CDK12: variants seen among roughly 807,000 people sequenced by gnomAD.
CDK12 encodes cyclin dependent kinase 12.
A neutral mutation model predicts 133.8 loss-of-function variants in CDK12; 17 were observed. The ratio of observed to expected loss-of-function variants is 0.13; its 90% confidence interval spans 0.09 to 0.19. CDK12 has a LOEUF of 0.19. Ranked by LOEUF, CDK12 falls within the 10% of genes least tolerant of loss-of-function variation. The pLI, the probability that CDK12 is intolerant of heterozygous loss-of-function variation, is 1.00. For synonymous variants in CDK12, 694 were observed against 683.6 expected, an observed-to-expected ratio of 1.02 and a Z score of -0.24; for missense variants, 1,508 against 1,818.7, an observed-to-expected ratio of 0.83 and a Z score of 3.11.
chr17:39,548,345 C>T (rs2055811350), upstream of CDK12, among the ~76,000 whole-genome samples: 2 of 152,220 alleles, frequency 1.3e-5, no homozygotes, highest in Admixed American at 6.5e-5. Flanking sequence ...GAAGCCCCCT[C>T]TTTCCAGGCA....
chr17:39,486,717 A>C (rs946122750), intron 2 of CDK12, among the ~76,000 whole-genome samples: 5 of 152,118 alleles, frequency 3.3e-5, no homozygotes, highest in African/African-American at 1.2e-4. Flanking sequence ...TAATTTAAAA[A>C]ATCTATGTTG....
chr17:39,468,733 C>T (rs1454003929), intron 1 of CDK12, among the ~76,000 whole-genome samples: 5 of 152,018 alleles, frequency 3.3e-5, no homozygotes, highest in Non-Finnish European at 7.4e-5. Context: ...CCTCAGCCTC[C>T]GAAAGTGTTG....
chr17:39,507,680 T>C (rs535401247), intron 6 of CDK12, among the ~76,000 whole-genome samples: 1 of 152,354 alleles, frequency 6.6e-6, no homozygotes, highest in East Asian at 1.9e-4. Context: ...AGGTCTACAC[T>C]GATTTCTGTA....
chr17:39,492,347 C>T (rs563598167), intron 3 of CDK12, among the ~76,000 whole-genome samples: 14 of 150,946 alleles, frequency 9.3e-5, no homozygotes, highest in South Asian at 2.1e-4. Context: ...CCACCTGCCT[C>T]GGCCTCCCAA....
At position 39,519,932 on chromosome 17, in the gene CDK12, T is replaced by C. The variant is rs187030460; in HGVS notation, c.2964-24T>C. The C allele has an allele frequency of 2.2e-4, 349 of 1,613,370 alleles. 3 individuals carry two copies. The Admixed American group carries it at 2.8e-3, about 13-fold the overall frequency. ...GAACTGTAGGGTCATTGTGAACTTG[T>C]CCTTTCTGTGTTCTTTTCCATAGCA... is the stretch of plus-strand genomic sequence containing the variant. On this transcript the variant is annotated intron_variant, in intron 10 of 13. Transcript: ENST00000447079.
intron 1 of CDK12, among the ~76,000 whole-genome samples, chr17:39,465,988 A>C (rs564127673): frequency 6.6e-6 from 1 of 152,212 alleles, no homozygotes; most frequent in South Asian, 2.1e-4. Context: ...TCTTAGGTAA[A>C]ACAGCATATC....
chr17:39,528,247 A>T (rs7226073), intron 13 of CDK12, among the ~76,000 whole-genome samples: 7,675 of 152,278 alleles, frequency 0.05, 408 homozygotes, highest in African/African-American at 0.13. Flanking sequence ...AGGATTGACA[A>T]CATTGATACT....
chr17:39,478,063 C>CT lies in CDK12; in HGVS notation c.1931+6315dup, dbSNP rs533207548. 3.4e-3 allele frequency among the ~76,000 whole-genome samples: 467 copies of CT among 137,788 alleles called. 5 individuals are homozygous for CT. The highest frequency in any genetic ancestry group is 0.032 in the East Asian group (153 of 4,754). 90.4% of individuals were successfully genotyped at this position (137,788 alleles called of 152,430 possible). ...TTTTTAGCCATCTCCTCCTCCACCTCTTTTTTTTTTTTTTTAAGAGACGGG... is the reference window on the plus strand; with the variant it reads ...TTTTTAGCCATCTCCTCCTCCACCTCTTTTTTTTTTTTTTTTAAGAGACGGG... On this transcript the variant is annotated intron_variant, in intron 2 of 13. Coordinates refer to ENST00000447079, the MANE Select transcript of CDK12 (RefSeq NM_016507.4).
chr17:39,558,221 A>C (rs1035691069), intron 3 of CDK12, among the ~76,000 whole-genome samples: 4 of 152,122 alleles, frequency 2.6e-5, no homozygotes, highest in Admixed American at 1.3e-4. Context: ...CCAATACTTG[A>C]CTCAGACTCC....
In CDK12 at chr17:39,462,381, C is replaced by T. The variant is rs2049018618; in HGVS notation, c.310C>T (p.Arg104Trp). ...GAACGACGAACGTCGTGGATCAGAT[C>T]GGAGCGACCGCCTGCACAAACATCG... The part of the protein sequence containing the change: ...RENDERRGSD[R>W]SDRLHKHRHH... Residue 104 changes from arginine (R) to tryptophan (W), a missense_variant, in exon 1 of 14, where the codon CGG becomes TGG. By Grantham distance (101) the Arg-to-Trp change is moderately radical. Around this residue, in one of 9 missense-constraint regions of CDK12, gnomAD observed 460 missense variants for 490.8 expected, o/e 0.94. Coordinates refer to ENST00000447079, the MANE Select transcript of CDK12 (RefSeq NM_016507.4). The T allele has an allele frequency of 1.2e-6, 2 of 1,614,164 alleles. No individual in the cohort carries two copies. The highest frequency in any genetic ancestry group is 1.7e-6 in the Non-Finnish European group (2 of 1,180,042).
intron 6 of CDK12, among the ~76,000 whole-genome samples, chr17:39,502,487 G>C (rs1215228136): frequency 6.6e-6 from 1 of 152,114 alleles, no homozygotes; most frequent in African/African-American, 2.4e-5. Context: ...TATCTATATA[G>C]GAACATGGAA....
At chr17:39,556,047 A>G (rs927267100) in intron 2 of CDK12, among the ~76,000 whole-genome samples, 5 of 151,602 alleles carry the variant, frequency 3.3e-5, no homozygotes, top group South Asian at 2.1e-4. Flanking sequence ...AAAAAAAAAA[A>G]AAAAGAAAAC....
intron 2 of CDK12, among the ~76,000 whole-genome samples, chr17:39,555,025 G>A (rs529427851): frequency 2.0e-5 from 3 of 152,194 alleles, no homozygotes; most frequent in East Asian, 3.9e-4. Context: ...CGACGCAGGC[G>A]GATCACAAGG....
At chr17:39,475,533 G>C (rs975218974) in intron 2 of CDK12, among the ~76,000 whole-genome samples, 32 of 151,458 alleles carry the variant, frequency 2.1e-4, no homozygotes, top group Non-Finnish European at 4.1e-4. Context: ...TTACAGAAGA[G>C]AAGAGAACCT....
Position 39,468,806 on chromosome 17 carries a change from A to AATTT in CDK12, c.1047-2052_1047-2049dup, listed in dbSNP as rs758803620. Among the ~76,000 whole-genome samples, 387 of 150,356 alleles carry AATTT rather than the reference A, an allele frequency of 2.6e-3. 1 individual carries two copies. The highest frequency in any genetic ancestry group is 8.9e-3 in the African/African-American group (365 of 41,088). ...ATGTTTTTATTTTAATTAATTAATT[A>AATTT]ATTTATTTATTTATTTATTTATTTT... On this transcript the variant is annotated intron_variant, in intron 1 of 13. Transcript: ENST00000447079.
At chr17:39,552,065 C>T (rs2055977367) in intron 2 of CDK12, among the ~76,000 whole-genome samples, 1 of 152,130 alleles carries the variant, frequency 6.6e-6, no homozygotes, top group East Asian at 1.9e-4. Context: ...CCCAAATCCC[C>T]TGAGAAGAGC....
chr17:39,484,676 TAGA>T (rs1675839113), intron 2 of CDK12, among the ~76,000 whole-genome samples: 1 of 152,158 alleles, frequency 6.6e-6, no homozygotes, highest in African/African-American at 2.4e-5. Flanking sequence ...TGTAATATTT[TAGA>T]AGCAGTATAC....
intron 1 of CDK12, among the ~76,000 whole-genome samples, chr17:39,469,715 G>A (rs1221485428): frequency 6.8e-6 from 1 of 147,232 alleles, no homozygotes; most frequent in East Asian, 2.0e-4. Context: ...TCGGCTCACC[G>A]TAACCTCTGC....
In CDK12 at chr17:39,533,606, T is replaced by C. The variant is rs936926912; in HGVS notation, c.*2290T>C. On this transcript the variant is annotated 3_prime_UTR_variant, in exon 14 of 14. Coordinates refer to ENST00000447079, the MANE Select transcript of CDK12 (RefSeq NM_016507.4). ...TTTCCCTCCCCTCTCCCACCTCTTATTTTTAATTATGCCAAATATCCTAAA... is the reference window on the plus strand; with the variant it reads ...TTTCCCTCCCCTCTCCCACCTCTTACTTTTAATTATGCCAAATATCCTAAA... 8 of 233,104 alleles carry C rather than the reference T, an allele frequency of 3.4e-5. No homozygotes were observed. Among genetic ancestry groups the C allele is most frequent in the African/African-American group, 1.8e-4 (8 of 45,330 alleles). The allele number at this position is 233,104 out of a possible 1,614,324, so 14.4% of individuals were successfully genotyped here.
Sources: gnomAD v4.1 joint callset for allele counts (sites outside exome capture counted in the v4.1 genomes callset) on GRCh38, gnomAD v4.1.1 for gene constraint, gnomAD v4.1.1 regional missense constraint, MANE v1.5 for transcripts, NCBI Gene and HGNC (gene_info 2026-07-23, HGNC 2026-07-21) for gene names.